EVA1A: variants seen among roughly 807,000 people sequenced by gnomAD.
The protein encoded by EVA1A is protein eva-1 homolog A.
EVA1A carries 7 observed loss-of-function variants against 9.8 expected under a neutral mutation model. The ratio of observed to expected loss-of-function variants is 0.71; its 90% CI spans 0.41 to 1.34. The LOEUF (loss-of-function observed/expected upper bound fraction) is 1.34, where lower values mean the gene tolerates loss of function less well. EVA1A is among the 40% of genes most tolerant of loss of function. The pLI is 0.01. For synonymous variants in EVA1A, 90 were observed against 85.6 expected (o/e 1.05, Z -0.28); for missense variants, 206 against 205.9 (o/e 1.00, Z 0.00).
intron 1 of EVA1A, among the ~76,000 whole-genome samples, chr2:75,530,244 T>C (rs986485981): frequency 6.6e-6 from 1 of 151,638 alleles, no homozygotes; most frequent in African/African-American, 2.4e-5. Flanking sequence ...GTAGCAAGAT[T>C]GAAACAATAA....
intron 1 of EVA1A, among the ~76,000 whole-genome samples, chr2:75,544,501 G>T (rs1055773863): frequency 6.6e-6 from 1 of 152,112 alleles, no homozygotes; most frequent in Non-Finnish European, 1.5e-5. Flanking sequence ...TCTTGTGGCC[G>T]ATAGCGTCCA....
At position 75,535,866 on chromosome 2, in the gene EVA1A, A is replaced by G. The variant is rs551637994; in HGVS notation, c.-191-13379T>C. Among the ~76,000 whole-genome samples, 168 of 152,332 alleles carry G rather than the reference A, an allele frequency of 1.1e-3. 2 individuals carry two copies. The highest frequency in any genetic ancestry group is 3.9e-3 in the African/African-American group (163 of 41,586). On this transcript the variant is annotated intron_variant, in intron 1 of 3. Coordinates refer to ENST00000393913, the MANE Select transcript of EVA1A (RefSeq NM_001135032.2). ...CAGGTGATGGGTACACTAAAGTCCT[A>G]GACTTTACCACTGTACGATTCATCC...
At chr2:75,504,670 TG>T (rs1373905498) in intron 3 of EVA1A, among the ~76,000 whole-genome samples, 1 of 152,002 alleles carries the variant, frequency 6.6e-6, no homozygotes, top group Non-Finnish European at 1.5e-5. Flanking sequence ...TAGATGAAGC[TG>T]GAAGCCATCA....
intron 1 of EVA1A, among the ~76,000 whole-genome samples, chr2:75,547,374 T>C (rs930282601): frequency 2.6e-5 from 4 of 152,226 alleles, no homozygotes; most frequent in Non-Finnish European, 5.9e-5. Flanking sequence ...GATACAGCTT[T>C]AGGCAAATGA....
chr2:75,529,474 T>C (rs1190273639), intron 1 of EVA1A, among the ~76,000 whole-genome samples: 2 of 152,188 alleles, frequency 1.3e-5, no homozygotes, highest in Non-Finnish European at 2.9e-5. Context: ...CAGAACATTA[T>C]TCAAGATAGA....
At chr2:75,552,528 C>T (rs12053281) in intron 1 of EVA1A, among the ~76,000 whole-genome samples, 51,619 of 152,082 alleles carry the variant, frequency 0.34, 10,386 homozygotes, top group Admixed American at 0.46. Context: ...CCCAATTCTC[C>T]ACCCTAATTA....
Position 75,560,174 on chromosome 2 carries a change from G to A in EVA1A, c.-192+506C>T, listed in dbSNP as rs539335758. Among the ~76,000 whole-genome samples, 25 of 152,230 alleles carry A rather than the reference G, an allele frequency of 1.6e-4. No homozygotes were observed. The South Asian group carries it at 5.2e-3, about 32-fold the overall frequency. ...CGCCAACAGCCTTTCACTCCCTGAT[G>A]CACTCGGCTTTCGGGGTCCTGGGGG... On this transcript the variant is annotated intron_variant, in intron 1 of 3. Coordinates refer to ENST00000393913, the MANE Select transcript of EVA1A (RefSeq NM_001135032.2).
intron 3 of EVA1A, among the ~76,000 whole-genome samples, chr2:75,505,126 C>G (rs956123307): frequency 6.6e-6 from 1 of 152,172 alleles, no homozygotes; most frequent in Non-Finnish European, 1.5e-5. Context: ...ACTCAACGGA[C>G]TAGGCAGAAG....
At chr2:75,517,782 A>T in intron 3 of EVA1A, 1 of 718,346 alleles carries the variant, frequency 1.4e-6, no homozygotes, top group Non-Finnish European at 2.6e-6. Flanking sequence ...ACAGAAGCCA[A>T]CAGTAGCCCT....
At chr2:75,546,128 T>C (rs1676320631) in intron 1 of EVA1A, among the ~76,000 whole-genome samples, 1 of 152,166 alleles carries the variant, frequency 6.6e-6, no homozygotes, top group Non-Finnish European at 1.5e-5. Flanking sequence ...TGGTGTGTTC[T>C]GCAAGGGAGC....
upstream of EVA1A, among the ~76,000 whole-genome samples, chr2:75,564,160 G>A (rs1157106572): frequency 2.0e-5 from 3 of 152,216 alleles, no homozygotes; most frequent in East Asian, 5.8e-4. Flanking sequence ...TGGTCTCATA[G>A]GGTCTGCTGG....
intron 3 of EVA1A, among the ~76,000 whole-genome samples, chr2:75,517,424 G>A (rs1675051922): frequency 6.6e-6 from 1 of 152,150 alleles, no homozygotes; most frequent in African/African-American, 2.4e-5. Context: ...ATTCAAACCA[G>A]TGAGCATTTT....
In EVA1A at chr2:75,493,363, A is replaced by T. The variant is rs367623057; in HGVS notation, c.332T>A (p.Val111Glu). Residue 111 changes from valine (V) to glutamate (E), a missense_variant, in exon 4 of 4, where the codon GTG becomes GAG. Val to Glu is a moderately radical substitution (Grantham distance 121). Coordinates refer to ENST00000393913, the MANE Select transcript of EVA1A (RefSeq NM_001135032.2). ...RRFERTLNKN[V>E]FTSAEELERA... ...CTCCAGCTCCTCCGCAGAGGTGAACACATTCTTGTTCAAAGTCCTCTCGAA... is the reference window on the plus strand; with the variant it reads ...CTCCAGCTCCTCCGCAGAGGTGAACTCATTCTTGTTCAAAGTCCTCTCGAA... The T allele has an allele frequency of 3.0e-5, 49 of 1,614,244 alleles. No homozygotes were observed. Among genetic ancestry groups the T allele is most frequent in the Non-Finnish European group, 4.1e-5 (48 of 1,180,042 alleles).
chr2:75,515,993 CA>C (rs1409082777), intron 3 of EVA1A, among the ~76,000 whole-genome samples: 27 of 152,174 alleles, frequency 1.8e-4, no homozygotes, highest in African/African-American at 6.3e-4. Flanking sequence ...TGTGTATTAG[CA>C]AATGTGTTGC....
chr2:75,516,030 A>G (rs73938927), intron 3 of EVA1A, among the ~76,000 whole-genome samples: 4,145 of 152,340 alleles, frequency 0.027, 177 homozygotes, highest in African/African-American at 0.087. Context: ...CGTGGATAGG[A>G]GAGGAGGCAA....
chr2:75,534,569 G>A (rs79687814), intron 1 of EVA1A, among the ~76,000 whole-genome samples: 1 of 151,400 alleles, frequency 6.6e-6, no homozygotes, highest in Non-Finnish European at 1.5e-5. Context: ...GCAAACATCA[G>A]CCCTAACATC....
chr2:75,522,603 T>C (rs1245840680), intron 1 of EVA1A, 116 bp from the exon 2 acceptor site: 1 of 152,252 alleles, frequency 6.6e-6, no homozygotes, highest in Non-Finnish European at 1.5e-5. Flanking sequence ...AGTGTCTGGA[T>C]CCTTGGAAGG....
chr2:75,500,640 A>G (rs1051741947), intron 3 of EVA1A, among the ~76,000 whole-genome samples: 2 of 152,024 alleles, frequency 1.3e-5, no homozygotes, highest in Non-Finnish European at 2.9e-5. Flanking sequence ...TACAGAATGT[A>G]CCTCACATCG....
upstream of EVA1A, among the ~76,000 whole-genome samples, chr2:75,563,158 A>T (rs960884835): frequency 3.9e-5 from 6 of 152,212 alleles, no homozygotes; most frequent in African/African-American, 1.2e-4. Flanking sequence ...AATGAAGCAG[A>T]TACTGTTGAA....
Sources: allele counts gnomAD v4.1 joint callset (sites outside exome capture counted in the v4.1 genomes callset), GRCh38; gene constraint gnomAD v4.1.1; transcripts MANE v1.5; gene names NCBI Gene and HGNC (gene_info 2026-07-23, HGNC 2026-07-21).